SUCLG2: variants seen among roughly 807,000 people sequenced by gnomAD.
SUCLG2 encodes the protein succinate--CoA ligase [GDP-forming] subunit beta, mitochondrial.
SUCLG2 carries 42 observed loss-of-function variants against 47.9 expected under a neutral mutation model. That is an observed-to-expected ratio of 0.88 (90% CI 0.69 to 1.14). The LOEUF (loss-of-function observed/expected upper bound fraction) is 1.14, where lower values mean the gene tolerates loss of function less well. Ranked by LOEUF, SUCLG2 falls within the 50% of genes most tolerant of loss-of-function variation. SUCLG2 has a pLI of 0.00. For synonymous variants in SUCLG2, 195 were observed against 197.3 expected, an observed-to-expected ratio of 0.99 and a Z score of 0.10; for missense variants, 571 against 525.9, an observed-to-expected ratio of 1.09 and a Z score of -0.84.
chr3:67,535,460 G>T (rs1706513653), intron 2 of SUCLG2, among the ~76,000 whole-genome samples: 1 of 152,096 alleles, frequency 6.6e-6, no homozygotes, highest in Non-Finnish European at 1.5e-5. Flanking sequence ...TTGGATGCTT[G>T]TCCCCACAAA....
intron 7 of SUCLG2, among the ~76,000 whole-genome samples, chr3:67,508,456 G>C (rs1448888081): frequency 6.6e-6 from 1 of 151,982 alleles, no homozygotes; most frequent in Non-Finnish European, 1.5e-5. Context: ...TTTTTGTAGA[G>C]ACAGGGTCTC....
intron 10 of SUCLG2, among the ~76,000 whole-genome samples, chr3:67,362,272 T>C (rs1701814627): frequency 6.6e-6 from 1 of 152,120 alleles, no homozygotes; most frequent in African/African-American, 2.4e-5. Context: ...CACATGCTGT[T>C]CTCCCTCTGC....
chr3:67,436,564 C>A (rs1031232884), intron 9 of SUCLG2, among the ~76,000 whole-genome samples: 6 of 152,126 alleles, frequency 3.9e-5, no homozygotes, highest in African/African-American at 1.4e-4. Flanking sequence ...CAACTAGCAG[C>A]GATGTGCTAG....
chr3:67,434,403 T>C (rs1167512999), intron 9 of SUCLG2, among the ~76,000 whole-genome samples: 1 of 152,122 alleles, frequency 6.6e-6, no homozygotes, highest in East Asian at 1.9e-4. Flanking sequence ...AGTGCATATC[T>C]GTAGTCCCAG....
intron 2 of SUCLG2, among the ~76,000 whole-genome samples, chr3:67,547,559 T>A (rs1384356353): frequency 1.3e-5 from 2 of 151,918 alleles, no homozygotes; most frequent in Non-Finnish European, 2.9e-5. Flanking sequence ...CAGCAGGAGG[T>A]GGAACAGTCT....
chr3:67,543,884 G>C (rs1489230089), intron 2 of SUCLG2, among the ~76,000 whole-genome samples: 1 of 152,134 alleles, frequency 6.6e-6, no homozygotes, highest in Non-Finnish European at 1.5e-5. Context: ...ACTCATTTCT[G>C]TATCAGCCTT....
At chr3:67,527,598 G>GA (rs1706289322) in intron 4 of SUCLG2, among the ~76,000 whole-genome samples, 1 of 152,268 alleles carries the variant, frequency 6.6e-6, no homozygotes, top group Admixed American at 6.5e-5. Flanking sequence ...TCTATGTGTG[G>GA]ATGAGGGGTG....
chr3:67,381,910 A>T (rs576169208), intron 10 of SUCLG2, among the ~76,000 whole-genome samples: 190 of 152,308 alleles, frequency 1.2e-3, no homozygotes, highest in African/African-American at 4.5e-3. Context: ...AGGTTAATTT[A>T]TCAAAATTTC....
Position 67,646,901 on chromosome 3 carries a change from T to C in SUCLG2, c.84+7602A>G, listed in dbSNP as rs138120710. 5.2e-3 allele frequency among the ~76,000 whole-genome samples: 795 copies of C among 152,286 alleles called. 7 individuals are homozygous for C. The highest frequency in any genetic ancestry group is 0.017 in the African/African-American group (721 of 41,546). On this transcript the variant is annotated intron_variant, in intron 1 of 10. Transcript: ENST00000307227. Reference sequence around the variant, plus strand: ...AGTACTCTACGCATTAAACTGCCCTTGCCACTTCACTGTCTAAAACCCTTC... The same window carrying C: ...AGTACTCTACGCATTAAACTGCCCTCGCCACTTCACTGTCTAAAACCCTTC...
In SUCLG2 at chr3:67,428,039, C is replaced by T. The variant is rs528443610; in HGVS notation, c.1063-27188G>A. 3.4e-4 allele frequency among the ~76,000 whole-genome samples: 52 copies of T among 152,310 alleles called. 1 individual carries two copies. Among genetic ancestry groups the T allele is most frequent in the Middle Eastern group, 6.8e-3 (2 of 294 alleles). ...CTCTATAGACTCCACCTCTGGGGGC[C>T]GGGCATAGCTGAACAAAAGGCAGCA... On this transcript the variant is annotated intron_variant, in intron 9 of 10. Coordinates refer to ENST00000307227, the MANE Select transcript of SUCLG2 (RefSeq NM_003848.4).
intron 2 of SUCLG2, among the ~76,000 whole-genome samples, chr3:67,608,728 AG>A (rs1700470938): frequency 6.6e-6 from 1 of 151,410 alleles, no homozygotes; most frequent in South Asian, 2.1e-4. Flanking sequence ...CCCAGGCTAG[AG>A]TATGTTAGAG....
At chr3:67,649,912 T>G (rs777630552) in intron 1 of SUCLG2, among the ~76,000 whole-genome samples, 1 of 152,198 alleles carries the variant, frequency 6.6e-6, no homozygotes, top group Non-Finnish European at 1.5e-5. Flanking sequence ...GCTTTGCGCC[T>G]GCAGAACTAG....
chr3:67,398,914 C>G (rs548224933), intron 10 of SUCLG2, among the ~76,000 whole-genome samples: 212 of 150,424 alleles, frequency 1.4e-3, no homozygotes, highest in Non-Finnish European at 2.7e-3. Flanking sequence ...AGTAAACTAT[C>G]GCAAGGACAA....
At chr3:67,371,504 G>A (rs1448096525), downstream of SUCLG2, among the ~76,000 whole-genome samples, 1 of 152,184 alleles carries the variant, frequency 6.6e-6, no homozygotes. Context: ...AAGGCACTGA[G>A]TTAAAGAGAA....
chr3:67,411,953 G>C (rs909372664), intron 9 of SUCLG2, among the ~76,000 whole-genome samples: 3 of 152,090 alleles, frequency 2.0e-5, no homozygotes, highest in Non-Finnish European at 4.4e-5. Flanking sequence ...GAAATCCCTG[G>C]GCAGGGCTGG....
At chr3:67,409,231 A>AT (rs1321168190) in intron 9 of SUCLG2, among the ~76,000 whole-genome samples, 2 of 151,172 alleles carry the variant, frequency 1.3e-5, no homozygotes, top group African/African-American at 4.8e-5. Flanking sequence ...TTCAAACACT[A>AT]AACTCTGTCC....
intron 1 of SUCLG2, among the ~76,000 whole-genome samples, chr3:67,647,669 T>C (rs978388349): frequency 6.6e-6 from 1 of 152,196 alleles, no homozygotes; most frequent in South Asian, 2.1e-4. Flanking sequence ...ATGTAAATGT[T>C]TGTGAAATGA....
At chr3:67,399,761 T>C (rs1265718119) in intron 10 of SUCLG2, among the ~76,000 whole-genome samples, 2 of 152,230 alleles carry the variant, frequency 1.3e-5, no homozygotes, top group East Asian at 3.8e-4. Context: ...TGGGTTTTAA[T>C]GGAATATGAA....
intron 9 of SUCLG2, among the ~76,000 whole-genome samples, chr3:67,430,687 A>T (rs1432815543): frequency 6.6e-6 from 1 of 152,184 alleles, no homozygotes. Flanking sequence ...AAGATCAACA[A>T]AATTGATAGA....
Sources: allele counts gnomAD v4.1 joint callset (sites outside exome capture counted in the v4.1 genomes callset), GRCh38; gene constraint gnomAD v4.1.1; transcripts MANE v1.5; gene names NCBI Gene and HGNC (gene_info 2026-07-23, HGNC 2026-07-21).